Variants in CCNB1 observed in about 807,000 individuals in gnomAD.
CCNB1 encodes cyclin B1.
CCNB1 carries 26 observed loss-of-function variants against 44.4 expected under a neutral mutation model. The ratio of observed to expected loss-of-function variants is 0.59; its 90% CI spans 0.43 to 0.81. The LOEUF (loss-of-function observed/expected upper bound fraction) is 0.81. Ranked by LOEUF, CCNB1 falls within the 40% of genes least tolerant of loss-of-function variation. CCNB1 has a pLI of 0.00. For synonymous variants in CCNB1, 195 were observed against 181.4 expected, an observed-to-expected ratio of 1.08 and a Z score of -0.60; for missense variants, 477 against 520.9, an observed-to-expected ratio of 0.92 and a Z score of 0.82.
rs551393220 is a variant in CCNB1 at position 69,175,856 on chromosome 5, A to G, written c.1083+319A>G. ...TGGGTAATATGCCCACATTGTAACA[A>G]GGTTTGAGGGTGGCACGTTTCACAT... On this transcript the variant is annotated intron_variant, in intron 7 of 8. Transcript: ENST00000256442. Among the ~76,000 whole-genome samples, 6 of 151,782 alleles carry G rather than the reference A, an allele frequency of 4.0e-5. No individual in the cohort carries two copies. In the South Asian group the frequency reaches 1.2e-3, roughly 31 times the overall value.
intron 5 of CCNB1, 126 bp from the exon 6 acceptor site, chr5:69,174,751 C>T: frequency 1.3e-6 from 1 of 762,880 alleles, no homozygotes. Context: ...CAACTAAAAT[C>T]TTTCTTGGGG....
At position 69,174,955 on chromosome 5, in the gene CCNB1, T is replaced by C; in HGVS notation, c.784T>C (p.Tyr262His). The change falls in exon 6 of 9, where the codon TAC becomes CAC. Residue 262 changes from tyrosine to histidine, a missense_variant. Transcript: ENST00000256442. Reference sequence around the variant, plus strand: ...TATTGCAAGCAAATATGAAGAAATGTACCCTCCAGAAATTGGTGACTTTGC... The same window carrying C: ...TATTGCAAGCAAATATGAAGAAATGCACCCTCCAGAAATTGGTGACTTTGC... ...MFIASKYEEM[Y>H]PPEIGDFAFV... is the part of the protein sequence containing the mutation. 6.2e-7 allele frequency: 1 copy of C among 1,614,172 alleles called. No homozygotes were observed. The highest frequency in any genetic ancestry group is 8.5e-7 in the Non-Finnish European group (1 of 1,180,026).
In CCNB1 at chr5:69,167,153, G is replaced by C. The variant is rs1015046945; in HGVS notation, c.-110G>C. 1 of 882,834 alleles carries C rather than the reference G, an allele frequency of 1.1e-6. No individual in the cohort carries two copies. The highest frequency in any genetic ancestry group is 3.7e-4 in the Middle Eastern group (1 of 2,712). 54.7% of individuals were successfully genotyped at this position (882,834 alleles called of 1,614,324 possible). Reference sequence around the variant, plus strand: ...TGAGGCTAGGCTGGCTCTTCTCGGCGTGCTGCGGCGGAACGGCTGTTGGTT... The same window carrying C: ...TGAGGCTAGGCTGGCTCTTCTCGGCCTGCTGCGGCGGAACGGCTGTTGGTT... On this transcript the variant is annotated 5_prime_UTR_variant, in exon 1 of 9. Coordinates refer to ENST00000256442, the MANE Select transcript of CCNB1 (RefSeq NM_031966.4).
rs775282499 is a variant in CCNB1 at position 69,167,897 on chromosome 5, GCTTCTTT to G, written c.22-9_22-3del. On this transcript the variant is annotated splice_polypyrimidine_tract_variant and splice_region_variant and intron_variant, in intron 1 of 8. Coordinates refer to ENST00000256442, the MANE Select transcript of CCNB1 (RefSeq NM_031966.4). Reference sequence around the variant, plus strand: ...GTGGATCAGCTCTTAAAGTGGTCTTGCTTCTTTCAGAACTCGAAAATTAATGCTGAAA... The same window carrying G: ...GTGGATCAGCTCTTAAAGTGGTCTTGCAGAACTCGAAAATTAATGCTGAAA... 1.7e-5 allele frequency: 27 copies of G among 1,605,262 alleles called. No homozygotes were observed. Among genetic ancestry groups the G allele is most frequent in the Non-Finnish European group, 2.3e-5 (27 of 1,176,472 alleles).
At chr5:69,167,517 A>T in intron 1 of CCNB1, 1 of 555,738 alleles carries the variant, frequency 1.8e-6, no homozygotes, top group Non-Finnish European at 3.2e-6. Context: ...ATATTGGATA[A>T]ATGTTTTGGG....
At chr5:69,176,385 C>G (rs1192716075) in intron 7 of CCNB1, among the ~76,000 whole-genome samples, 1 of 151,712 alleles carries the variant, frequency 6.6e-6, no homozygotes, top group Non-Finnish European at 1.5e-5. Context: ...GAGACGGAGT[C>G]TCTCTCTGTC....
chr5:69,167,896 T>A lies in CCNB1; in HGVS notation c.22-12T>A. ...CGTGGATCAGCTCTTAAAGTGGTCT[T>A]GCTTCTTTCAGAACTCGAAAATTAA... On this transcript the variant is annotated splice_polypyrimidine_tract_variant and intron_variant, in intron 1 of 8. Coordinates refer to ENST00000256442, the MANE Select transcript of CCNB1 (RefSeq NM_031966.4). 6.2e-7 allele frequency: 1 copy of A among 1,605,202 alleles called. No individual in the cohort carries two copies. The highest frequency in any genetic ancestry group is 8.5e-7 in the Non-Finnish European group (1 of 1,176,432).
At chr5:69,172,490 TAG>T (rs1240481697) in intron 4 of CCNB1, among the ~76,000 whole-genome samples, 2 of 152,110 alleles carry the variant, frequency 1.3e-5, no homozygotes, top group Admixed American at 6.6e-5. Context: ...CTCCTGACCT[TAG>T]ATGATCTACC....
At chr5:69,168,710 C>T (rs1325602529) in intron 3 of CCNB1, among the ~76,000 whole-genome samples, 1 of 152,164 alleles carries the variant, frequency 6.6e-6, no homozygotes, top group Non-Finnish European at 1.5e-5. Flanking sequence ...GAGCCAAAGG[C>T]TTTGTTATCC....
intron 7 of CCNB1, among the ~76,000 whole-genome samples, chr5:69,175,742 G>A (rs1454816159): frequency 6.6e-6 from 1 of 151,980 alleles, no homozygotes; most frequent in Non-Finnish European, 1.5e-5. Context: ...GGAGTGCAGT[G>A]GTGCAGTCTT....
At chr5:69,171,666 G>T (rs1007729086) in intron 4 of CCNB1, among the ~76,000 whole-genome samples, 1 of 152,012 alleles carries the variant, frequency 6.6e-6, no homozygotes, top group Non-Finnish European at 1.5e-5. Context: ...TCGAAGTTAG[G>T]GTGGATACTA....
chr5:69,177,457 C>G, intron 8 of CCNB1, 67 bp from the exon 9 acceptor site: 1 of 1,231,302 alleles, frequency 8.1e-7, no homozygotes. Flanking sequence ...TAAATGAATA[C>G]CTGTATCATT....
intron 7 of CCNB1, chr5:69,177,012 T>A: frequency 1.1e-5 from 4 of 348,046 alleles, no homozygotes; most frequent in South Asian, 7.1e-5. Flanking sequence ...GGAAGTGGAG[T>A]CTAGTTTTAG....
chr5:69,168,530 TA>T (rs8192261), intron 3 of CCNB1, among the ~76,000 whole-genome samples, 187 bp downstream of exon 3: 65,272 of 151,970 alleles, frequency 0.43, 14,068 homozygotes, highest in South Asian at 0.55. Context: ...CTCTCTGAGG[TA>T]TTGTCACCTC....
rs1747457933 is a variant in CCNB1, at chr5:69,171,459, A to G, written c.546+7A>G. On this transcript the variant is annotated splice_region_variant and intron_variant, in intron 4 of 8. Transcript: ENST00000256442. The stretch of plus-strand genomic sequence containing the variant: ...TTATCTGAGACAACTTGAGGTAAGT[A>G]TTATCATTCGTTTTTTTTCTAAACT... 5 of 1,573,048 alleles carry G rather than the reference A, an allele frequency of 3.2e-6. No individual in the cohort carries two copies. The African/African-American group carries it at 5.5e-5, about 17-fold the overall frequency.
At chr5:69,173,814 G>T (rs1747517595) in intron 4 of CCNB1, among the ~76,000 whole-genome samples, 1 of 151,692 alleles carries the variant, frequency 6.6e-6, no homozygotes, top group Non-Finnish European at 1.5e-5. Context: ...CTGTCACCCA[G>T]GCTGGAGTGC....
chr5:69,174,145 G>T, intron 4 of CCNB1, 106 bp from the exon 5 acceptor site: 1 of 876,084 alleles, frequency 1.1e-6, no homozygotes, highest in Non-Finnish European at 1.8e-6. Context: ...AACTGATATA[G>T]ATTATAAATG....
Position 69,171,323 on chromosome 5 carries a change from A to C in CCNB1, c.417A>C (p.Glu139Asp), listed in dbSNP as rs1256710278. Reference sequence around the variant, plus strand: ...AAACATCTGGATGTGCCCCTGCAGAAGAAGACCTGTGTCAGGCTTTCTCTG... The same window carrying C: ...AAACATCTGGATGTGCCCCTGCAGACGAAGACCTGTGTCAGGCTTTCTCTG... ...PMETSGCAPA[E>D]EDLCQAFSDV... Residue 139 changes from glutamate (E) to aspartate (D), a missense_variant, in exon 4 of 9, where the codon GAA becomes GAC. Transcript: ENST00000256442. The C allele has an allele frequency of 1.2e-6, 2 of 1,614,002 alleles. No homozygotes were observed. Among genetic ancestry groups the C allele is most frequent in the Non-Finnish European group, 1.7e-6 (2 of 1,179,954 alleles).
In CCNB1 at chr5:69,167,989, T is replaced by A; in HGVS notation, c.103T>A (p.Ser35Thr). The change falls in exon 2 of 9, where the codon TCC (serine) becomes ACC (threonine). Residue 35 changes from serine to threonine, a missense_variant. By Grantham distance (58) the Ser-to-Thr change is moderately conservative. Coordinates refer to ENST00000256442, the MANE Select transcript of CCNB1 (RefSeq NM_031966.4). The part of the protein sequence containing the change: ...KRVPTAPAAT[S>T]KPGLRPRTAL... The stretch of plus-strand genomic sequence containing the variant: ...CGTTCCTACGGCCCCTGCTGCAACC[T>A]CCAAGCCCGGACTGAGGCCAAGAAC... 2 of 1,614,110 alleles carry A rather than the reference T, an allele frequency of 1.2e-6. No homozygotes were observed. The highest frequency in any genetic ancestry group is 3.3e-5 in the Admixed American group (2 of 60,024).
Sources: allele counts gnomAD v4.1 joint callset (sites outside exome capture counted in the v4.1 genomes callset), GRCh38; gene constraint gnomAD v4.1.1; transcripts MANE v1.5; gene names NCBI Gene and HGNC (gene_info 2026-07-23, HGNC 2026-07-21).